Variants in RRM1 observed in about 807,000 individuals in gnomAD.
RRM1 encodes ribonucleotide reductase catalytic subunit M1.
Under a neutral mutation model 101.5 loss-of-function variants are expected in RRM1, and 19 were observed. The observed-to-expected ratio is 0.19, with a 90% CI of 0.13 to 0.27. RRM1 has a LOEUF of 0.27. RRM1 is among the 10% of genes least tolerant of loss of function. The probability of loss-of-function intolerance (pLI) is 1.00; values close to 1 mark genes in which losing one functional copy is unlikely to be tolerated. For synonymous variants in RRM1, 298 were observed against 323.4 expected, an observed-to-expected ratio of 0.92 and a Z score of 0.84; for missense variants, 500 against 962.9, an observed-to-expected ratio of 0.52 and a Z score of 6.36.
intron 12 of RRM1, among the ~76,000 whole-genome samples, chr11:4,123,893 A>G (rs2094585538): frequency 6.6e-6 from 1 of 152,238 alleles, no homozygotes; most frequent in Admixed American, 6.5e-5. Flanking sequence ...TGGTGAGATC[A>G]AATTCTAATC....
At chr11:4,133,687 C>A in intron 17 of RRM1, 29 bp downstream of exon 17, 1 of 1,357,068 alleles carries the variant, frequency 7.4e-7, no homozygotes, top group Non-Finnish European at 1.1e-6. Context: ...GTGTGCTCTG[C>A]AGGGGCTGAG....
intron 2 of RRM1, among the ~76,000 whole-genome samples, chr11:4,104,986 T>C (rs2094556379): frequency 6.6e-6 from 1 of 152,184 alleles, no homozygotes; most frequent in South Asian, 2.1e-4. Flanking sequence ...GAAACCCTTA[T>C]ATAGAATCAG....
chr11:4,113,002 A>G (rs1000887073), intron 7 of RRM1, among the ~76,000 whole-genome samples: 20 of 152,176 alleles, frequency 1.3e-4, no homozygotes, highest in Non-Finnish European at 2.4e-4. Flanking sequence ...TTAGGCTGTC[A>G]AATTGACAGA....
intron 1 of RRM1, chr11:4,099,452 T>G (rs1016869750): frequency 6.6e-6 from 1 of 151,938 alleles, no homozygotes; most frequent in Non-Finnish European, 1.5e-5. Context: ...GGCTAGAGGA[T>G]TTTAAAAGAG....
At position 4,125,906 on chromosome 11, in the gene RRM1, A is replaced by C. The variant is rs778892621; in HGVS notation, c.1321-778A>C. On this transcript the variant is annotated intron_variant, in intron 12 of 18. Transcript: ENST00000300738. The stretch of plus-strand genomic sequence containing the variant: ...TAGATGTGAAGGGCATCAAGAGTTC[A>C]ACTGGGAAACTTTCAGTAGTCCATG... 2.6e-5 allele frequency among the ~76,000 whole-genome samples: 4 copies of C among 152,254 alleles called. 1 individual carries two copies. Among genetic ancestry groups the C allele is most frequent in the African/African-American group, 4.8e-5 (2 of 41,472 alleles).
At chr11:4,117,858 TTAAAA>T (rs1373768236) in intron 7 of RRM1, among the ~76,000 whole-genome samples, 2 of 152,196 alleles carry the variant, frequency 1.3e-5, no homozygotes, top group African/African-American at 4.8e-5. Context: ...GGGGTTGTCT[TTAAAA>T]AGACTGTAAA....
At chr11:4,118,183 C>T (rs1179004259) in intron 7 of RRM1, 137 bp from the exon 8 acceptor site, 7 of 858,780 alleles carry the variant, frequency 8.2e-6, no homozygotes, top group African/African-American at 1.7e-5. Flanking sequence ...GGGTTTTCTT[C>T]TTTGAAAATC....
intron 1 of RRM1, among the ~76,000 whole-genome samples, chr11:4,095,284 C>T (rs2094542056): frequency 6.6e-6 from 1 of 152,244 alleles, no homozygotes; most frequent in South Asian, 2.1e-4. Context: ...AACACTTACC[C>T]CGTATCGAGT....
intron 1 of RRM1, among the ~76,000 whole-genome samples, chr11:4,099,951 C>A (rs114372858): frequency 1.3e-5 from 2 of 152,048 alleles, no homozygotes; most frequent in African/African-American, 2.4e-5. Context: ...TTTCCCCCCC[C>A]ACTGCATGTA....
Position 4,123,346 on chromosome 11 carries a change from C to G in RRM1, c.1282C>G (p.Leu428Val). Residue 428 changes from leucine to valine, a missense_variant, in exon 12 of 19, where the codon CTG (leucine) becomes GTG (valine). Leu to Val is a conservative substitution (Grantham distance 32). This residue lies in a region of RRM1 where 80 missense variants were observed against 170.9 expected (regional missense o/e 0.47). Transcript: ENST00000300738. ...CCTGGGAACCATCAAATGCAGCAACCTGTGCACAGAAATAGTGGAGTACAC... is the reference window on the plus strand; with the variant it reads ...CCTGGGAACCATCAAATGCAGCAACGTGTGCACAGAAATAGTGGAGTACAC... ...QNLGTIKCSN[L>V]CTEIVEYTSK... The G allele has an allele frequency of 6.2e-7, 1 of 1,614,108 alleles. No homozygotes were observed. Among genetic ancestry groups the G allele is most frequent in the East Asian group, 2.2e-5 (1 of 44,872 alleles).
Position 4,111,591 on chromosome 11 carries a change from C to T in RRM1, c.448-10C>T. 6.3e-7 allele frequency: 1 copy of T among 1,588,820 alleles called. No homozygotes were observed. Among genetic ancestry groups the T allele is most frequent in the South Asian group, 1.2e-5 (1 of 85,576 alleles). On this transcript the variant is annotated splice_polypyrimidine_tract_variant and intron_variant, in intron 5 of 18. Transcript: ENST00000300738. ...GCTCTGAAAATTTTTTGTTGTTTCT[C>T]TCTTTCTAGACGCTAGAGCGGTCTT... is the stretch of plus-strand genomic sequence containing the variant.
rs183484 is a variant in RRM1, at chr11:4,119,902, C to A, written c.850C>A (p.Arg284=). The A allele has an allele frequency of 0.5, 792,150 of 1,592,452 alleles. 207,237 individuals are homozygous for A. The highest frequency in any genetic ancestry group is 0.54 in the Non-Finnish European group (630,838 of 1,161,766). The change falls in exon 9 of 19, where the codon CGA becomes AGA. Residue 284 remains arginine, a synonymous_variant. Transcript: ENST00000300738. ...PMLRVYNNTA[R]YVDQGGNKRP... ...GCTGAGAGTATATAACAACACAGCT[C>A]GATATGTGGATCAAGGTGGGAACAA...
At chr11:4,117,731 C>T (rs1311335465) in intron 7 of RRM1, among the ~76,000 whole-genome samples, 3 of 152,140 alleles carry the variant, frequency 2.0e-5, no homozygotes, top group Non-Finnish European at 4.4e-5. Context: ...TTTATATAAA[C>T]ACCTAGTCAA....
rs2094540678 is a variant in RRM1, at chr11:4,094,847, T to C, written c.-166T>C. ...GGCGCGGGAAGGGGATTTGGATTGT[T>C]GCGCCTCTGCTCTGAAGAAAGTGCT... On this transcript the variant is annotated 5_prime_UTR_variant, in exon 1 of 19. Transcript: ENST00000300738. 2.9e-6 allele frequency: 2 copies of C among 681,142 alleles called. No homozygotes were observed. The highest frequency in any genetic ancestry group is 1.8e-5 in the African/African-American group (1 of 55,926). 42.2% of individuals were successfully genotyped at this position (681,142 alleles called of 1,614,324 possible).
chr11:4,122,594 C>T (rs12288914), intron 11 of RRM1, among the ~76,000 whole-genome samples: 7,454 of 152,184 alleles, frequency 0.049, 218 homozygotes, highest in African/African-American at 0.079. Context: ...TTAAATAGGT[C>T]AGGTGCAGTG....
intron 2 of RRM1, among the ~76,000 whole-genome samples, chr11:4,103,975 G>T (rs902760848): frequency 5.3e-5 from 8 of 151,462 alleles, no homozygotes; most frequent in African/African-American, 1.9e-4. Context: ...AAAATTGGTT[G>T]GGTGTGGTGG....
At chr11:4,131,502 A>C (rs2094600289) in intron 15 of RRM1, among the ~76,000 whole-genome samples, 1 of 152,200 alleles carries the variant, frequency 6.6e-6, no homozygotes, top group South Asian at 2.1e-4. Context: ...CTAAGAAAAC[A>C]AGTAGTTAAG....
chr11:4,102,674 C>A (rs1020398806), intron 2 of RRM1, among the ~76,000 whole-genome samples: 1 of 150,892 alleles, frequency 6.6e-6, no homozygotes, highest in Non-Finnish European at 1.5e-5. Flanking sequence ...AAAAGGGAAG[C>A]CTAGAGTAAA....
intron 1 of RRM1, among the ~76,000 whole-genome samples, chr11:4,100,914 C>T (rs1030155049): frequency 2.0e-5 from 3 of 152,066 alleles, no homozygotes; most frequent in African/African-American, 7.2e-5. Flanking sequence ...ATTCACTATT[C>T]CTGGTAAGAA....
Sources: gnomAD v4.1 joint callset for allele counts (sites outside exome capture counted in the v4.1 genomes callset) on GRCh38, gnomAD v4.1.1 for gene constraint, gnomAD v4.1.1 regional missense constraint, MANE v1.5 for transcripts, NCBI Gene and HGNC (gene_info 2026-07-23, HGNC 2026-07-21) for gene names.